The following TEX9 variants were observed in gnomAD, a reference collection of about 807,000 sequenced individuals.
TEX9 encodes the protein testis-expressed protein 9.
In TEX9, 74 loss-of-function variants were observed where a neutral mutation model predicts 59.6. The ratio of observed to expected loss-of-function variants is 1.24; its 90% CI spans 1.03 to 1.51. TEX9 has a LOEUF of 1.51. Ranked by LOEUF, TEX9 falls within the 40% of genes most tolerant of loss-of-function variation. The pLI is 0.00. For synonymous variants in TEX9, 186 were observed against 152.2 expected (o/e 1.22, Z -1.64); for missense variants, 522 against 447.8 (o/e 1.17, Z -1.49).
rs368261614 is a variant in TEX9 at position 56,414,029 on chromosome 15, A to C, written c.963+1593A>C. Among the ~76,000 whole-genome samples, 255 of 151,934 alleles carry C rather than the reference A, an allele frequency of 1.7e-3. 9 individuals are homozygous for C. Among genetic ancestry groups the C allele is most frequent in the African/African-American group, 5.9e-3 (243 of 41,284 alleles). On this transcript the variant is annotated intron_variant, in intron 10 of 12. Coordinates refer to ENST00000352903, the Ensembl canonical transcript of TEX9. ...GTTAGGAAGTCATCTTTATAGACTCACCAGTAATTAGCATGTTATTCGAGT... is the reference window on the plus strand; with the variant it reads ...GTTAGGAAGTCATCTTTATAGACTCCCCAGTAATTAGCATGTTATTCGAGT...
At chr15:56,287,309 T>C (rs1477395656) in intron 1 of TEX9, among the ~76,000 whole-genome samples, 3 of 152,178 alleles carry the variant, frequency 2.0e-5, no homozygotes, top group Non-Finnish European at 2.9e-5. Flanking sequence ...GCTAACATCT[T>C]AGCCTGACCT....
intron 1 of TEX9, among the ~76,000 whole-genome samples, chr15:56,357,385 G>C (rs766653941): frequency 6.6e-5 from 10 of 151,610 alleles, no homozygotes; most frequent in Admixed American, 6.6e-5. Context: ...TTTTTCTTTG[G>C]TGTTTTGGCA....
intron 4 of TEX9, among the ~76,000 whole-genome samples, chr15:56,386,184 C>T (rs780782143): frequency 2.6e-5 from 4 of 151,948 alleles, no homozygotes; most frequent in Admixed American, 1.3e-4. Flanking sequence ...GGCTAAAAAA[C>T]GTCCATAATC....
chr15:56,272,939 T>TTTA lies in TEX9; in HGVS notation c.-107+28663_-107+28664insATT, dbSNP rs1355460642. The stretch of plus-strand genomic sequence containing the variant: ...CTTTATTTATTTATTTATTTATTTA[T>TTTA]TTTTTTTGTTGTTGTTGTTGTTGTT... On this transcript the variant is annotated intron_variant, in intron 1 of 5. Coordinates refer to the TEX9 transcript ENST00000560827. Among the ~76,000 whole-genome samples, 30 of 129,964 alleles carry TTTA rather than the reference T, an allele frequency of 2.3e-4. No individual in the cohort carries two copies. In the South Asian group the frequency reaches 6.5e-3, roughly 28 times the overall value. The allele number at this position is 129,964 out of a possible 152,430, so 85.3% of individuals were successfully genotyped here. A position where few individuals can be genotyped will look rare whatever the true frequency, so the allele number is the denominator to read the frequency against.
At chr15:56,290,243 C>T (rs1200049774) in intron 1 of TEX9, among the ~76,000 whole-genome samples, 4 of 152,124 alleles carry the variant, frequency 2.6e-5, no homozygotes, top group African/African-American at 9.7e-5. Flanking sequence ...GAGGGTCATG[C>T]ACTCACATCT....
At chr15:56,436,097 C>A in intron 12 of TEX9, among the ~76,000 whole-genome samples, 1 of 152,094 alleles carries the variant, frequency 6.6e-6, no homozygotes, top group Non-Finnish European at 1.5e-5. Context: ...AGTTCTGCAC[C>A]AAGCAGACCT....
intron 9 of TEX9, among the ~76,000 whole-genome samples, chr15:56,399,534 G>A (rs369554707): frequency 2.6e-5 from 4 of 152,244 alleles, no homozygotes; most frequent in Admixed American, 6.5e-5. Context: ...TAGGCAGGGC[G>A]TAGCTGAGCA....
chr15:56,244,296 CTT>C (rs1230586699), intron 1 of TEX9: 5 of 152,310 alleles, frequency 3.3e-5, no homozygotes, highest in Non-Finnish European at 5.9e-5. Context: ...GATAAACTGA[CTT>C]TTCAGAAGCC....
intron 1 of TEX9, among the ~76,000 whole-genome samples, chr15:56,312,986 C>T (rs1340484411): frequency 7.6e-6 from 1 of 132,214 alleles, no homozygotes; most frequent in African/African-American, 2.9e-5. Flanking sequence ...GATTTTTGTA[C>T]ATTGATTTTG....
At chr15:56,265,220 G>A (rs2718934) in intron 1 of TEX9, among the ~76,000 whole-genome samples, 70,232 of 150,098 alleles carry the variant, frequency 0.47, 16,927 homozygotes, top group East Asian at 0.81. Flanking sequence ...CCAGCATGGA[G>A]TGTAGTGGTA....
intron 9 of TEX9, chr15:56,395,644 T>A (rs1187269983): frequency 6.6e-6 from 1 of 152,122 alleles, no homozygotes; most frequent in Non-Finnish European, 1.5e-5. Context: ...TGCTAGATTA[T>A]CTTTTTGATT....
chr15:56,299,317 C>T (rs1028128646), intron 1 of TEX9, among the ~76,000 whole-genome samples: 26 of 152,200 alleles, frequency 1.7e-4, no homozygotes, highest in African/African-American at 6.3e-4. Flanking sequence ...GTAGCCAGTG[C>T]CCATGGAGGG....
intron 1 of TEX9, among the ~76,000 whole-genome samples, chr15:56,297,394 A>G (rs1214022946): frequency 1.3e-5 from 2 of 152,262 alleles, no homozygotes; most frequent in African/African-American, 2.4e-5. Flanking sequence ...TCTATTACCC[A>G]ACAACAAACT....
At chr15:56,411,017 C>A (rs1317719274) in intron 9 of TEX9, among the ~76,000 whole-genome samples, 1 of 152,052 alleles carries the variant, frequency 6.6e-6, no homozygotes, top group African/African-American at 2.4e-5. Flanking sequence ...TTACTCAGAG[C>A]CAGGGAGACC....
At chr15:56,460,005 A>AT in the TEX9 span, among the ~76,000 whole-genome samples, 3 of 30,512 alleles carry the variant, frequency 9.8e-5, no homozygotes, top group African/African-American at 3.6e-4. Flanking sequence ...AAAAAAAAAA[A>AT]AAAAATACAT....
At chr15:56,453,199 T>G in the TEX9 span, among the ~76,000 whole-genome samples, 16 of 152,292 alleles carry the variant, frequency 1.1e-4, no homozygotes, top group East Asian at 3.1e-3. Flanking sequence ...TTTACATATT[T>G]TAATTCCCAA....
At chr15:56,438,980 A>G (rs1239205708) in intron 12 of TEX9, among the ~76,000 whole-genome samples, 1 of 152,124 alleles carries the variant, frequency 6.6e-6, no homozygotes, top group Non-Finnish European at 1.5e-5. Flanking sequence ...AAGGAAAGGA[A>G]GTAAAAAGTA....
chr15:56,299,321 T>C (rs374907908), intron 1 of TEX9, among the ~76,000 whole-genome samples: 1 of 152,296 alleles, frequency 6.6e-6, no homozygotes, highest in East Asian at 1.9e-4. Flanking sequence ...CCAGTGCCCA[T>C]GGAGGGAGCA....
intron 10 of TEX9, among the ~76,000 whole-genome samples, chr15:56,424,044 G>A (rs1207233100): frequency 6.6e-6 from 1 of 151,974 alleles, no homozygotes; most frequent in South Asian, 2.1e-4. Context: ...TGCTTTATTG[G>A]TCTTCCATCC....
Sources: allele counts gnomAD v4.1 joint callset (sites outside exome capture counted in the v4.1 genomes callset), GRCh38; gene constraint gnomAD v4.1.1; transcripts MANE v1.5; gene names NCBI Gene and HGNC (gene_info 2026-07-23, HGNC 2026-07-21).